HNF4G: variants seen among roughly 807,000 people sequenced by gnomAD.
HNF4G encodes the protein hepatocyte nuclear factor 4 gamma, also known as hepatocyte nuclear factor 4-gamma.
In HNF4G, 21 loss-of-function variants were observed where a neutral mutation model predicts 50.9. The ratio of observed to expected loss-of-function variants is 0.41; its 90% CI spans 0.29 to 0.59. HNF4G has a LOEUF of 0.59. Ranked by LOEUF, HNF4G falls within the 20% of genes least tolerant of loss-of-function variation. The pLI is 0.26. For synonymous variants in HNF4G, 198 were observed against 185.6 expected, an observed-to-expected ratio of 1.07 and a Z score of -0.54; for missense variants, 527 against 559.4, an observed-to-expected ratio of 0.94 and a Z score of 0.58.
At chr8:75,498,412 A>T (rs1812834936) in intron 2 of HNF4G, among the ~76,000 whole-genome samples, 1 of 152,150 alleles carries the variant, frequency 6.6e-6, no homozygotes, top group Non-Finnish European at 1.5e-5. Flanking sequence ...TAAATTAGTG[A>T]TCAAAAACAT....
chr8:75,485,688 A>G (rs773891959), intron 1 of HNF4G: 1 of 152,202 alleles, frequency 6.6e-6, no homozygotes, highest in Non-Finnish European at 1.5e-5. Context: ...CCTTTCAAAA[A>G]TTAATTTTGT....
chr8:75,547,672 A>T lies in HNF4G; in HGVS notation c.373A>T (p.Lys125Ter). Residue 125 changes from lysine (K) to a stop codon, truncating the protein, a stop_gained, in exon 3 of 10, where the codon AAA (lysine) becomes TAA (stop). Transcript: ENST00000396423. LOFTEE classifies it high-confidence loss of function. Reference sequence around the variant, plus strand: ...AAGAAAGTGTTTTAGAGCGGGAATGAAAAAAGAAGGTAATAATAATGATGA... The same window carrying T: ...AAGAAAGTGTTTTAGAGCGGGAATGTAAAAAGAAGGTAATAATAATGATGA... ...RLRKCFRAGM[K>*]KEAVQNERDR... 1 of 1,560,168 alleles carries T rather than the reference A, an allele frequency of 6.4e-7. No homozygotes were observed. Among genetic ancestry groups the T allele is most frequent in the Non-Finnish European group, 8.8e-7 (1 of 1,130,884 alleles).
intron 1 of HNF4G, among the ~76,000 whole-genome samples, chr8:75,413,918 TG>T (rs1162440788): frequency 1.3e-5 from 2 of 152,166 alleles, no homozygotes; most frequent in Non-Finnish European, 2.9e-5. Flanking sequence ...TGTTGAGTCC[TG>T]GGGAAGTATT....
intron 2 of HNF4G, among the ~76,000 whole-genome samples, chr8:75,533,634 G>A (rs1169253487): frequency 6.6e-6 from 1 of 151,576 alleles, no homozygotes. Context: ...GTTCCTTATG[G>A]TATTTTTGAG....
chr8:75,436,106 A>G (rs830776), intron 1 of HNF4G, among the ~76,000 whole-genome samples: 118,302 of 152,136 alleles, frequency 0.78, 46,373 homozygotes, highest in Middle Eastern at 0.84. Flanking sequence ...TGGGAGAAAC[A>G]CAAGTTTTTT....
chr8:75,530,794 CT>C lies in HNF4G; in HGVS notation c.-23-13001del, dbSNP rs71567126. ...ACAGTGGCAGGCATTGTTCAATGTGCTTTTTTTTTTTTTTTTGAGACAGGGT... is the reference window on the plus strand; with the variant it reads ...ACAGTGGCAGGCATTGTTCAATGTGCTTTTTTTTTTTTTTTGAGACAGGGT... On this transcript the variant is annotated intron_variant, in intron 2 of 10. Coordinates refer to the HNF4G transcript ENST00000354370. 3.1e-3 allele frequency among the ~76,000 whole-genome samples: 410 copies of C among 132,126 alleles called. 2 individuals are homozygous for C. The highest frequency in any genetic ancestry group is 6.8e-3 in the Admixed American group (90 of 13,148). The allele number at this position is 132,126 out of a possible 152,430, so 86.7% of individuals were successfully genotyped here. A position where few individuals can be genotyped will look rare whatever the true frequency, so the allele number is the denominator to read the frequency against.
At chr8:75,441,516 A>C (rs2130547739) in intron 1 of HNF4G, among the ~76,000 whole-genome samples, 1 of 152,252 alleles carries the variant, frequency 6.6e-6, no homozygotes, top group Middle Eastern at 3.4e-3. Flanking sequence ...AAGTCCTGGG[A>C]TTACAGATGT....
chr8:75,490,508 G>A (rs1248952452), intron 2 of HNF4G, among the ~76,000 whole-genome samples: 1 of 152,072 alleles, frequency 6.6e-6, no homozygotes, highest in African/African-American at 2.4e-5. Context: ...CTGGCACTGG[G>A]CACTTAATTA....
intron 2 of HNF4G, among the ~76,000 whole-genome samples, chr8:75,490,413 TTA>T (rs141138006): frequency 0.037 from 5,656 of 152,314 alleles, 133 homozygotes; most frequent in South Asian, 0.055. Context: ...CTTGCCCATA[TTA>T]TGACTATGCC....
At chr8:75,524,595 T>C (rs181091804) in intron 2 of HNF4G, among the ~76,000 whole-genome samples, 1 of 152,274 alleles carries the variant, frequency 6.6e-6, no homozygotes, top group African/African-American at 2.4e-5. Flanking sequence ...TTAAGACCAA[T>C]AGCCTGTATA....
intron 1 of HNF4G, among the ~76,000 whole-genome samples, chr8:75,479,613 A>G (rs1005925818): frequency 8.6e-5 from 13 of 151,178 alleles, no homozygotes; most frequent in Non-Finnish European, 1.9e-4. Flanking sequence ...TCTCTTATAT[A>G]AAGAAATAGC....
chr8:75,553,062 G>A lies in HNF4G; in HGVS notation c.510G>A (p.Gly170=), dbSNP rs1807008887. 1 of 1,611,554 alleles carries A rather than the reference G, an allele frequency of 6.2e-7. No individual in the cohort carries two copies. The highest frequency in any genetic ancestry group is 8.5e-7 in the Non-Finnish European group (1 of 1,178,418). ...RSRQISVSSP[G]SSTDINVKKI... ...ACTAGATCTCAGTCTCAAGCCCTGGGTCAAGCACTGACATAAACGTTAAGA... is the reference window on the plus strand; with the variant it reads ...ACTAGATCTCAGTCTCAAGCCCTGGATCAAGCACTGACATAAACGTTAAGA... Residue 170 remains glycine (G), a synonymous_variant, in exon 5 of 10, where the codon GGG becomes GGA. Transcript: ENST00000396423.
At chr8:75,543,766 G>C in intron 1 of HNF4G, 45 bp from the exon 2 acceptor site, 3 of 1,504,924 alleles carry the variant, frequency 2.0e-6, no homozygotes, top group Non-Finnish European at 2.7e-6. Context: ...ATTTAGTCAG[G>C]AAATAGTACT....
At chr8:75,561,064 A>AT (rs71273899) in intron 9 of HNF4G, among the ~76,000 whole-genome samples, 8,486 of 151,960 alleles carry the variant, frequency 0.056, 309 homozygotes, top group Non-Finnish European at 0.083. Flanking sequence ...GGAAGTGAGG[A>AT]TTTTTTCTAT....
At chr8:75,449,509 CTT>C (rs71271864) in intron 1 of HNF4G, among the ~76,000 whole-genome samples, 3 of 129,326 alleles carry the variant, frequency 2.3e-5, no homozygotes, top group Non-Finnish European at 4.7e-5. Flanking sequence ...ATATTTTTTT[CTT>C]TTTTTTTTTT....
chr8:75,545,425 A>G (rs1806747587), intron 2 of HNF4G, among the ~76,000 whole-genome samples: 1 of 152,078 alleles, frequency 6.6e-6, no homozygotes, highest in Admixed American at 6.6e-5. Flanking sequence ...CTAACAACAG[A>G]TAGAGTTTAA....
intron 1 of HNF4G, among the ~76,000 whole-genome samples, chr8:75,420,831 A>C (rs1810758123): frequency 6.6e-6 from 1 of 152,238 alleles, no homozygotes; most frequent in Non-Finnish European, 1.5e-5. Flanking sequence ...CGAGTATTTA[A>C]TGAAGCAAAA....
chr8:75,536,679 A>T (rs1173245198), upstream of HNF4G, among the ~76,000 whole-genome samples: 1 of 152,156 alleles, frequency 6.6e-6, no homozygotes, highest in African/African-American at 2.4e-5. Context: ...ATTGTGCCAT[A>T]GACATGTTTA....
chr8:75,495,691 C>A (rs940391667), intron 2 of HNF4G, among the ~76,000 whole-genome samples: 16 of 151,976 alleles, frequency 1.1e-4, no homozygotes, highest in Non-Finnish European at 1.5e-4. Context: ...GCCCGTCCCA[C>A]CAGGCCTGGC....
Sources: gnomAD v4.1 joint callset for allele counts (sites outside exome capture counted in the v4.1 genomes callset) on GRCh38, gnomAD v4.1.1 for gene constraint, MANE v1.5 for transcripts, NCBI Gene and HGNC (gene_info 2026-07-23, HGNC 2026-07-21) for gene names.